The following GINS2 variants were observed in gnomAD, a reference collection of about 807,000 sequenced individuals.
GINS2 encodes the protein GINS complex subunit 2.
Under a neutral mutation model 21.2 loss-of-function variants are expected in GINS2, and 23 were observed. The ratio of observed to expected loss-of-function variants is 1.08; its 90% CI spans 0.78 to 1.53. GINS2 has a LOEUF of 1.53. Among genes scored for constraint, GINS2 ranks in the 40% most tolerant of loss-of-function variants. GINS2 has a pLI of 0.00. For synonymous variants in GINS2, 118 were observed against 85.6 expected, an observed-to-expected ratio of 1.38 and a Z score of -2.09; for missense variants, 323 against 233.9, an observed-to-expected ratio of 1.38 and a Z score of -2.49.
intron 2 of GINS2, among the ~76,000 whole-genome samples, chr16:85,685,828 G>A (rs1463209394): frequency 6.6e-6 from 1 of 151,794 alleles, no homozygotes; most frequent in African/African-American, 2.4e-5. Flanking sequence ...CTGGCTCAAT[G>A]AGCTCTTGCT....
Position 85,678,142 on chromosome 16 carries a change from G to C in GINS2, c.*70C>G, listed in dbSNP as rs2053698756. 7.0e-7 allele frequency: 1 copy of C among 1,432,788 alleles called. No individual in the cohort carries two copies. The highest frequency in any genetic ancestry group is 1.4e-5 in the African/African-American group (1 of 70,612). The allele number at this position is 1,432,788 out of a possible 1,614,324, so 88.8% of individuals were successfully genotyped here. A position where few individuals can be genotyped will look rare whatever the true frequency, so the allele number is the denominator to read the frequency against. On this transcript the variant is annotated 3_prime_UTR_variant, in exon 5 of 5. Coordinates refer to ENST00000253462, the MANE Select transcript of GINS2 (RefSeq NM_016095.3). ...CATCAGAAGTGTTTCTAGAGCTCCA[G>C]AACCACGAGTACCTCATCACGTCCT...
At chr16:85,679,352 G>C (rs550602025) in intron 3 of GINS2, among the ~76,000 whole-genome samples, 1 of 152,350 alleles carries the variant, frequency 6.6e-6, no homozygotes, top group Admixed American at 6.5e-5. Context: ...ACAAAGTCGA[G>C]GCTCCCGTTG....
chr16:85,680,078 T>G (rs2053718935), intron 3 of GINS2, among the ~76,000 whole-genome samples: 1 of 152,190 alleles, frequency 6.6e-6, no homozygotes. Flanking sequence ...CTTACTGCGC[T>G]CTGATGGACT....
At position 85,678,268 on chromosome 16, in the gene GINS2, A is replaced by G. The variant is rs2053701582; in HGVS notation, c.502T>C (p.Tyr168His). 2 of 1,612,980 alleles carry G rather than the reference A, an allele frequency of 1.2e-6. No individual in the cohort carries two copies. Among genetic ancestry groups the G allele is most frequent in the Admixed American group, 3.3e-5 (2 of 59,990 alleles). The change falls in exon 5 of 5, where the codon TAC (tyrosine) becomes CAC (histidine). Residue 168 changes from tyrosine to histidine, a missense_variant. Tyr to His is a moderately conservative substitution (Grantham distance 83). Coordinates refer to ENST00000253462, the MANE Select transcript of GINS2 (RefSeq NM_016095.3). ...GGCTGGAGGTTCGTGCGGAGTTTGT[A>G]CATGTGGTTGAGCGCTTGTGTGAGG... ...TFLTQALNHM[Y>H]KLRTNLQPLE...
At chr16:85,687,878 C>T (rs944789896) in intron 1 of GINS2, 1 of 239,568 alleles carries the variant, frequency 4.2e-6, no homozygotes, top group Non-Finnish European at 8.0e-6. Context: ...TTCACACACC[C>T]AATGTTGGGG....
chr16:85,683,311 A>G (rs556542297), intron 2 of GINS2, among the ~76,000 whole-genome samples: 28 of 151,866 alleles, frequency 1.8e-4, no homozygotes, highest in Non-Finnish European at 3.1e-4. Flanking sequence ...TTTCTTCACT[A>G]CCTAAACTCA....
intron 1 of GINS2, 173 bp from the exon 2 acceptor site, chr16:85,687,747 G>A (rs1211660773): frequency 6.1e-6 from 3 of 495,082 alleles, no homozygotes; most frequent in Non-Finnish European, 7.1e-6. Context: ...GAGCGGCTCC[G>A]AGACACCTGC....
chr16:85,688,398 G>A (rs756947717), intron 1 of GINS2, among the ~76,000 whole-genome samples: 57 of 151,604 alleles, frequency 3.8e-4, no homozygotes, highest in Non-Finnish European at 4.4e-4. Context: ...ATACAAAAAT[G>A]CGCCGGGCGT....
chr16:85,678,148 C>G lies in GINS2; in HGVS notation c.*64G>C. 1 of 1,486,758 alleles carries G rather than the reference C, an allele frequency of 6.7e-7. No homozygotes were observed. The highest frequency in any genetic ancestry group is 9.3e-7 in the Non-Finnish European group (1 of 1,078,002). The allele number at this position is 1,486,758 out of a possible 1,614,324, so 92.1% of individuals were successfully genotyped here. A position where few individuals can be genotyped will look rare whatever the true frequency, so the allele number is the denominator to read the frequency against. On this transcript the variant is annotated 3_prime_UTR_variant, in exon 5 of 5. Coordinates refer to ENST00000253462, the MANE Select transcript of GINS2 (RefSeq NM_016095.3). Reference sequence around the variant, plus strand: ...AAGTGTTTCTAGAGCTCCAGAACCACGAGTACCTCATCACGTCCTGAGCGC... The same window carrying G: ...AAGTGTTTCTAGAGCTCCAGAACCAGGAGTACCTCATCACGTCCTGAGCGC...
intron 4 of GINS2, 49 bp from the exon 5 acceptor site, chr16:85,678,386 G>GA: frequency 6.2e-7 from 1 of 1,601,408 alleles, no homozygotes; most frequent in Non-Finnish European, 8.5e-7. Context: ...TTGATTTTGA[G>GA]AAAAAGGTAA....
chr16:85,681,442 C>T (rs1207237015), intron 3 of GINS2, 140 bp downstream of exon 3: 2 of 615,922 alleles, frequency 3.2e-6, no homozygotes, highest in Non-Finnish European at 5.8e-6. Flanking sequence ...CTCATGGTCA[C>T]TGACCTGAGA....
intron 3 of GINS2, 135 bp downstream of exon 3, chr16:85,681,447 C>G (rs888635607): frequency 1.6e-6 from 1 of 621,270 alleles, no homozygotes; most frequent in African/African-American, 1.9e-5. Flanking sequence ...GGTCACTGAC[C>G]TGAGAAACAG....
chr16:85,685,848 T>C (rs943462158), intron 2 of GINS2, among the ~76,000 whole-genome samples: 2 of 150,048 alleles, frequency 1.3e-5, no homozygotes, highest in African/African-American at 2.5e-5. Context: ...TTCTAGGAGG[T>C]AGGTACCCCC....
At chr16:85,682,729 C>A (rs541493607) in intron 2 of GINS2, among the ~76,000 whole-genome samples, 1 of 152,296 alleles carries the variant, frequency 6.6e-6, no homozygotes, top group African/African-American at 2.4e-5. Flanking sequence ...TGTTCTCACA[C>A]ATGCTCCAGC....
chr16:85,687,485 C>A lies in GINS2; in HGVS notation c.180G>T (p.Leu60=), dbSNP rs761400053. 4 of 1,585,062 alleles carry A rather than the reference C, an allele frequency of 2.5e-6. No individual in the cohort carries two copies. The highest frequency in any genetic ancestry group is 2.3e-5 in the East Asian group (1 of 43,174). The stretch of plus-strand genomic sequence containing the variant: ...CTACATCCATCCACTCTGGAGGGAG[C>A]AGGCGACATTTCTGTCTTTGTTTCA... ...INLKQRQKCR[L]LPPEWMDVEK... is the part of the protein sequence containing the mutation. Residue 60 remains leucine (L), a synonymous_variant, in exon 2 of 5, where the codon CTG becomes CTT. Transcript: ENST00000253462.
rs568432990 is a variant in GINS2, at chr16:85,679,192, G to C, written c.306-526C>G. ...TTTCTATCCTCACAAAAGCCCTGAA[G>C]GGAAGGGACTCTCCTGCTCTTCAGA... On this transcript the variant is annotated intron_variant, in intron 3 of 4. Transcript: ENST00000253462. Among the ~76,000 whole-genome samples, 17 of 152,274 alleles carry C rather than the reference G, an allele frequency of 1.1e-4. 1 individual carries two copies. Among genetic ancestry groups the C allele is most frequent in the South Asian group, 1.0e-3 (5 of 4,826 alleles).
At chr16:85,682,788 G>A (rs930209800) in intron 2 of GINS2, among the ~76,000 whole-genome samples, 2 of 152,182 alleles carry the variant, frequency 1.3e-5, no homozygotes, top group African/African-American at 2.4e-5. Context: ...GGAGCAGACT[G>A]TGTACTATAG....
rs534312192 is a variant in GINS2 at position 85,685,829 on chromosome 16, A to G, written c.205+1631T>C. 2.0e-5 allele frequency among the ~76,000 whole-genome samples: 3 copies of G among 151,948 alleles called. No homozygotes were observed. The East Asian group carries it at 5.8e-4, about 29-fold the overall frequency. On this transcript the variant is annotated intron_variant, in intron 2 of 4. Transcript: ENST00000253462. ...GGACCCCAGAGTGGCTGGCTCAATG[A>G]GCTCTTGCTTCTAGGAGGTAGGTAC... is the stretch of plus-strand genomic sequence containing the variant.
At chr16:85,686,681 G>A (rs1431720068) in intron 2 of GINS2, among the ~76,000 whole-genome samples, 2 of 152,116 alleles carry the variant, frequency 1.3e-5, no homozygotes, top group African/African-American at 4.8e-5. Context: ...TACAGTGTGC[G>A]GCCTTTTGTG....
Sources: gnomAD v4.1 joint callset for allele counts (sites outside exome capture counted in the v4.1 genomes callset) on GRCh38, gnomAD v4.1.1 for gene constraint, MANE v1.5 for transcripts, NCBI Gene and HGNC (gene_info 2026-07-23, HGNC 2026-07-21) for gene names.